The following LYRM4 variants were observed in gnomAD, a reference collection of about 807,000 sequenced individuals.
LYRM4 encodes the protein LYR motif-containing protein 4.
In LYRM4, 9 loss-of-function variants were observed where a neutral mutation model predicts 11.7. The observed-to-expected ratio is 0.77, with a 90% CI of 0.46 to 1.34. LYRM4 has a LOEUF of 1.34. Ranked by LOEUF, LYRM4 falls within the 40% of genes most tolerant of loss-of-function variation. The pLI, the probability that LYRM4 is intolerant of heterozygous loss-of-function variation, is 0.00. For missense variants in LYRM4, 133 were observed against 112.5 expected (o/e 1.18, Z -0.82); for synonymous variants, 42 against 40.4 (o/e 1.04, Z -0.15).
At chr6:5,056,459 A>C in the LYRM4 span, among the ~76,000 whole-genome samples, 1 of 152,196 alleles carries the variant, frequency 6.6e-6, no homozygotes. Flanking sequence ...ACTATGTTAC[A>C]TTACAGTCAG....
At chr6:5,081,134 CGGGGGGG>C in the LYRM4 span, among the ~76,000 whole-genome samples, 25 of 126,114 alleles carry the variant, frequency 2.0e-4, no homozygotes, top group Admixed American at 1.2e-3. Context: ...CACACTTGGG[CGGGGGGG>C]GGGGGGGGGT....
chr6:5,188,563 A>C (rs1760558880), intron 2 of LYRM4, among the ~76,000 whole-genome samples: 1 of 152,206 alleles, frequency 6.6e-6, no homozygotes. Flanking sequence ...GTACTGATTA[A>C]GAGCTTCGGA....
chr6:5,075,886 C>T, the LYRM4 span, among the ~76,000 whole-genome samples: 6 of 152,020 alleles, frequency 3.9e-5, no homozygotes, highest in Non-Finnish European at 8.8e-5. Flanking sequence ...AAGTTTCCCT[C>T]CCACTTCATA....
intron 2 of LYRM4, among the ~76,000 whole-genome samples, chr6:5,142,577 A>G (rs1181206707): frequency 6.6e-6 from 1 of 152,234 alleles, no homozygotes; most frequent in East Asian, 1.9e-4. Context: ...TAACTGATAT[A>G]CAAGGTCCTT....
In LYRM4 at chr6:5,260,810, G is replaced by A. The variant is rs1765044507; in HGVS notation, c.-77C>T. 1.3e-6 allele frequency: 2 copies of A among 1,528,810 alleles called. No individual in the cohort carries two copies. The highest frequency in any genetic ancestry group is 1.2e-5 in the South Asian group (1 of 83,484). 94.7% of individuals were successfully genotyped at this position (1,528,810 alleles called of 1,614,324 possible). ...GACCCAACCCACGAAACTCCAGCCT[G>A]TGCGGAAACCACGAACGAAATAAAA... is the stretch of plus-strand genomic sequence containing the variant. On this transcript the variant is annotated 5_prime_UTR_variant, in exon 1 of 3. Transcript: ENST00000330636.
In LYRM4 at chr6:5,211,700, T is replaced by C. The variant is rs74812625; in HGVS notation, c.207+4918A>G. On this transcript the variant is annotated intron_variant, in intron 2 of 2. Transcript: ENST00000330636. ...AAAACAGTGACCCCTGAAAAGCTGA[T>C]GGGAAGATGGGCATGACTCCAAAAC... Among the ~76,000 whole-genome samples, 916 of 152,330 alleles carry C rather than the reference T, an allele frequency of 6.0e-3. 11 individuals carry two copies. Among genetic ancestry groups the C allele is most frequent in the South Asian group, 0.044 (210 of 4,826 alleles).
At chr6:5,068,186 A>G in the LYRM4 span, among the ~76,000 whole-genome samples, 1 of 152,184 alleles carries the variant, frequency 6.6e-6, no homozygotes, top group African/African-American at 2.4e-5. This position sits in a 1 kb window ranked among gnomAD's most constrained non-coding sequence, Gnocchi z 4.0. Context: ...TTGCCTTACA[A>G]TTCTGTTGTC....
At chr6:5,241,021 A>C (rs1763845946) in intron 1 of LYRM4, among the ~76,000 whole-genome samples, 1 of 152,238 alleles carries the variant, frequency 6.6e-6, no homozygotes. Context: ...AGCTGGCTCC[A>C]TACCAACTTT....
chr6:5,129,977 A>G (rs754315947), intron 2 of LYRM4, among the ~76,000 whole-genome samples: 3 of 152,190 alleles, frequency 2.0e-5, no homozygotes, highest in Non-Finnish European at 4.4e-5. Context: ...GTTGGTAAGT[A>G]CTTGGAATAT....
intron 2 of LYRM4, among the ~76,000 whole-genome samples, chr6:5,122,144 C>A (rs1461909760): frequency 6.6e-6 from 1 of 152,184 alleles, no homozygotes; most frequent in Non-Finnish European, 1.5e-5. Context: ...GCTCACCCAT[C>A]CCCAGAAGAC....
chr6:5,102,301 A>AAC (rs1445285512), downstream of LYRM4, among the ~76,000 whole-genome samples: 1 of 152,126 alleles, frequency 6.6e-6, no homozygotes, highest in Non-Finnish European at 1.5e-5. Flanking sequence ...TGTCTTTGGC[A>AAC]ATTCTTGACA....
At chr6:5,076,084 A>G in the LYRM4 span, among the ~76,000 whole-genome samples, 1 of 151,994 alleles carries the variant, frequency 6.6e-6, no homozygotes, top group Non-Finnish European at 1.5e-5. Context: ...AGCTGGAACT[A>G]TAAGTGTGCA....
rs70974180 is a variant in LYRM4 at position 5,229,003 on chromosome 6, C to CAAAAAAAAAAAA, written c.87-12277_87-12266dup. 7.4e-4 allele frequency among the ~76,000 whole-genome samples: 28 copies of CAAAAAAAAAAAA among 37,978 alleles called. 1 individual carries two copies. The highest frequency in any genetic ancestry group is 3.2e-3 in the African/African-American group (28 of 8,870). 24.9% of individuals were successfully genotyped at this position (37,978 alleles called of 152,430 possible). The stretch of plus-strand genomic sequence containing the variant: ...TGGGCGACGGAGCGAGGCTCAGTCT[C>CAAAAAAAAAAAA]AAAAAAAAAAAAAAAAAAAAAAAGA... On this transcript the variant is annotated intron_variant, in intron 1 of 2. Transcript: ENST00000330636.
At chr6:5,140,680 T>G (rs901481722) in intron 2 of LYRM4, among the ~76,000 whole-genome samples, 1 of 152,204 alleles carries the variant, frequency 6.6e-6, no homozygotes, top group Non-Finnish European at 1.5e-5. Flanking sequence ...ATGTAAGGCT[T>G]ATCATTTCCT....
Position 5,260,717 on chromosome 6 carries a change from C to T in LYRM4, c.17G>A (p.Arg6His). The change falls in exon 1 of 3, where the codon CGC (arginine) becomes CAC (histidine). Residue 6 changes from arginine (R) to histidine (H), a missense_variant. Transcript: ENST00000330636. The part of the protein sequence containing the change: MAASS[R>H]AQVLSLYRAM... ...CCGGTACAGAGATAACACTTGTGCGCGACTGGAGGCTGCCATTTTGGAAAG... is the reference window on the plus strand; with the variant it reads ...CCGGTACAGAGATAACACTTGTGCGTGACTGGAGGCTGCCATTTTGGAAAG... The T allele has an allele frequency of 1.9e-6, 3 of 1,551,384 alleles. No individual in the cohort carries two copies. The highest frequency in any genetic ancestry group is 2.4e-5 in the East Asian group (1 of 41,742).
At position 5,189,433 on chromosome 6, in the gene LYRM4, G is replaced by T. The variant is rs183872683; in HGVS notation, c.207+27185C>A. On this transcript the variant is annotated intron_variant, in intron 2 of 2. Transcript: ENST00000330636. Reference sequence around the variant, plus strand: ...TAGTGGTGAGCCTAAGGTTAGTGGTGAGCCTAAGGTTAGTGCTTAGCCTAG... The same window carrying T: ...TAGTGGTGAGCCTAAGGTTAGTGGTTAGCCTAAGGTTAGTGCTTAGCCTAG... Among the ~76,000 whole-genome samples the T allele has an allele frequency of 1.4e-3, 208 of 151,914 alleles. 2 individuals are homozygous for T. Among genetic ancestry groups the T allele is most frequent in the Non-Finnish European group, 1.9e-3 (127 of 67,940 alleles).
At chr6:5,041,905 GT>G in the LYRM4 span, among the ~76,000 whole-genome samples, 1 of 152,158 alleles carries the variant, frequency 6.6e-6, no homozygotes, top group East Asian at 1.9e-4. Flanking sequence ...CATTTTTGCT[GT>G]TTCTTTGAGC....
intron 2 of LYRM4, chr6:5,113,413 G>A (rs768632126): frequency 1.9e-4 from 76 of 390,836 alleles, no homozygotes; most frequent in Non-Finnish European, 3.5e-4. Flanking sequence ...GCGAGATTCC[G>A]TTATCTAAAA....
At chr6:5,212,469 A>G (rs1472626567) in intron 2 of LYRM4, among the ~76,000 whole-genome samples, 1 of 152,190 alleles carries the variant, frequency 6.6e-6, no homozygotes. Context: ...GCCCAAGCCT[A>G]CAAACCACCC....
Sources: gnomAD v4.1 joint callset for allele counts (sites outside exome capture counted in the v4.1 genomes callset) on GRCh38, gnomAD v4.1.1 for gene constraint, Gnocchi (gnomAD v3.1) non-coding constraint, MANE v1.5 for transcripts, NCBI Gene and HGNC (gene_info 2026-07-23, HGNC 2026-07-21) for gene names.